The following FAT1 variants were observed in gnomAD, a reference collection of about 807,000 sequenced individuals.
The protein encoded by FAT1 is FAT atypical cadherin 1.
In FAT1, 171 loss-of-function variants were observed where a neutral mutation model predicts 329.8. That is an observed-to-expected ratio of 0.52 (90% CI 0.46 to 0.59). The LOEUF is 0.59. Among genes scored for constraint, FAT1 ranks in the 20% least tolerant of loss-of-function variants. The pLI is 0.00. For missense variants in FAT1, 5,672 were observed against 5,774.4 expected (o/e 0.98, Z 0.57); for synonymous variants, 2,233 against 2,228.6 (o/e 1.00, Z -0.06).
rs972211466 is a variant in FAT1, at chr4:186,621,494, C to T, written c.5092G>A (p.Val1698Met). The change falls in exon 10 of 27, where the codon GTG (valine) becomes ATG (methionine). Residue 1698 changes from valine to methionine, a missense_variant. By Grantham distance (21) the Val-to-Met change is conservative. This residue lies in a region of FAT1 where 3,966 missense variants were observed against 3,915.2 expected (regional missense o/e 1.01). Transcript: ENST00000441802. ...MVTAHSQSSV[V>M]YEIKDGNTGD... Reference sequence around the variant, plus strand: ...GTATTTCCATCTTTTATTTCATACACCACTGATGATTGACTATGGGCTGTA... The same window carrying T: ...GTATTTCCATCTTTTATTTCATACATCACTGATGATTGACTATGGGCTGTA... 2.5e-6 allele frequency: 4 copies of T among 1,613,886 alleles called. No individual in the cohort carries two copies. Among genetic ancestry groups the T allele is most frequent in the South Asian group, 2.2e-5 (2 of 91,088 alleles).
At chr4:186,690,680 ACT>A (rs1743714796) in intron 2 of FAT1, among the ~76,000 whole-genome samples, 2 of 151,720 alleles carry the variant, frequency 1.3e-5, no homozygotes, top group Admixed American at 6.6e-5. Context: ...ACAGAGTGAG[ACT>A]CTGCCTCAAA....
At chr4:186,603,112 A>G in intron 19 of FAT1, 64 bp downstream of exon 19, 1 of 1,608,154 alleles carries the variant, frequency 6.2e-7, no homozygotes. Flanking sequence ...TATAGCCATC[A>G]AAGGCTTCAA....
chr4:186,628,445 C>T, intron 8 of FAT1, 43 bp downstream of exon 8: 1 of 1,612,378 alleles, frequency 6.2e-7, no homozygotes, highest in African/African-American at 1.3e-5. Context: ...CACACAAAGG[C>T]CTCAGGACCA....
chr4:186,610,338 CTAATT>C, intron 14 of FAT1, among the ~76,000 whole-genome samples: 1 of 152,022 alleles, frequency 6.6e-6, no homozygotes, highest in East Asian at 1.9e-4. Flanking sequence ...CGACTTCACT[CTAATT>C]TAATCAACAA....
chr4:186,589,686 T>TA (rs1738145278), intron 26 of FAT1, among the ~76,000 whole-genome samples: 1 of 152,118 alleles, frequency 6.6e-6, no homozygotes, highest in Admixed American at 6.5e-5. Flanking sequence ...TAATGCAACT[T>TA]AAAAAAATTT....
At chr4:186,591,993 A>T (rs2126368451) in intron 26 of FAT1, among the ~76,000 whole-genome samples, 1 of 152,284 alleles carries the variant, frequency 6.6e-6, no homozygotes, top group East Asian at 1.9e-4. Flanking sequence ...TAAAGTCCCA[A>T]CCCAGACCTG....
At chr4:186,593,135 TC>T (rs560804667) in intron 26 of FAT1, among the ~76,000 whole-genome samples, 46 of 152,298 alleles carry the variant, frequency 3.0e-4, no homozygotes, top group African/African-American at 1.1e-3. Context: ...TCGCCACTCT[TC>T]CGGCTGCTTA....
intron 14 of FAT1, 47 bp from the exon 15 acceptor site, chr4:186,610,062 A>AT: frequency 8.5e-7 from 1 of 1,170,676 alleles, no homozygotes; most frequent in Non-Finnish European, 1.3e-6. Flanking sequence ...ATGCCACCAC[A>AT]TTTTCCCACT....
rs2126418658 is a variant in FAT1, at chr4:186,601,383, G to A, written c.11526C>T (p.Tyr3842=). ...MTLTGNSYVK[Y]RLTENENKLE... is the part of the protein sequence containing the mutation. ...ATTTGTTTTCATTTTCCGTCAGACG[G>A]TATTTCACGTAGCTGTTTCCAGTCA... The change falls in exon 21 of 27, where the codon TAC becomes TAT. Residue 3842 remains tyrosine (Y), a synonymous_variant. Transcript: ENST00000441802. The A allele has an allele frequency of 1.2e-6, 2 of 1,613,308 alleles. No individual in the cohort carries two copies. Among genetic ancestry groups the A allele is most frequent in the Non-Finnish European group, 1.7e-6 (2 of 1,179,376 alleles).
intron 16 of FAT1, 51 bp downstream of exon 16, chr4:186,609,132 G>C: frequency 6.3e-7 from 1 of 1,589,822 alleles, no homozygotes; most frequent in Non-Finnish European, 8.6e-7. Flanking sequence ...GGCATTTCTA[G>C]TTATTGATGT....
In FAT1 at chr4:186,620,601, G is replaced by C. The variant is rs754717977; in HGVS notation, c.5985C>G (p.Ala1995=). 1 of 1,613,798 alleles carries C rather than the reference G, an allele frequency of 6.2e-7. No individual in the cohort carries two copies. The highest frequency in any genetic ancestry group is 1.3e-5 in the African/African-American group (1 of 74,886). The change falls in exon 10 of 27, where the codon GCC becomes GCG. Residue 1995 remains alanine (A), a synonymous_variant. Coordinates refer to ENST00000441802, the MANE Select transcript of FAT1 (RefSeq NM_005245.4). ...TAGCAGTAATGACAGCTAATGTTTCGGCCTCGGTGGAATTCTCTTTCACTA... is the reference window on the plus strand; with the variant it reads ...TAGCAGTAATGACAGCTAATGTTTCCGCCTCGGTGGAATTCTCTTTCACTA... ...SAVVKENSTE[A]ETLAVITAIG...
At position 186,599,114 on chromosome 4, in the gene FAT1, C is replaced by A. The variant is rs200544064; in HGVS notation, c.12103+784G>T. On this transcript the variant is annotated intron_variant, in intron 22 of 26. Coordinates refer to ENST00000441802, the MANE Select transcript of FAT1 (RefSeq NM_005245.4). The stretch of plus-strand genomic sequence containing the variant: ...TCCCTAAGTGACAAAATGAGGACGG[C>A]CTCCTTGCTAACCTGGTTTGGACGT... Among the ~76,000 whole-genome samples, 25 of 152,266 alleles carry A rather than the reference C, an allele frequency of 1.6e-4. No homozygotes were observed. In the East Asian group the frequency reaches 4.5e-3, roughly 27 times the overall value.
chr4:186,619,033 T>G lies in FAT1; in HGVS notation c.7553A>C (p.Asp2518Ala). The G allele has an allele frequency of 6.2e-7, 1 of 1,614,016 alleles. No homozygotes were observed. The highest frequency in any genetic ancestry group is 8.5e-7 in the Non-Finnish European group (1 of 1,179,904). Residue 2518 changes from aspartate (D) to alanine (A), a missense_variant, in exon 10 of 27, where the codon GAT (aspartate) becomes GCT (alanine). Physicochemically the swap from Asp to Ala is moderately radical, Grantham distance 126. Coordinates refer to ENST00000441802, the MANE Select transcript of FAT1 (RefSeq NM_005245.4). ...GTGACCATAAATACCAGAATCCCCA[T>G]CCGTAGTTTTCACCTCCATCACCAG... Reference protein sequence around the residue: ...HTLVMEVKTTDGDSGIYGHVT... With the variant: ...HTLVMEVKTTAGDSGIYGHVT...
At chr4:186,720,671 CTCTCCCTTA>C (rs1745433648) in intron 1 of FAT1, among the ~76,000 whole-genome samples, 1 of 152,160 alleles carries the variant, frequency 6.6e-6, no homozygotes, top group African/African-American at 2.4e-5. Flanking sequence ...TGTACTTGTC[CTCTCCCTTA>C]TCAGACTACG....
chr4:186,702,110 C>T (rs1167240108), intron 2 of FAT1, among the ~76,000 whole-genome samples: 4 of 152,022 alleles, frequency 2.6e-5, no homozygotes, highest in Non-Finnish European at 5.9e-5. Context: ...AGGCCAGGAG[C>T]CGGCCTCCAC....
Position 186,618,116 on chromosome 4 carries a change from CT to C in FAT1, c.8469del (p.Gly2825GlufsTer4). 1 of 1,614,048 alleles carries C rather than the reference CT, an allele frequency of 6.2e-7. No individual in the cohort carries two copies. Among genetic ancestry groups the C allele is most frequent in the Non-Finnish European group, 8.5e-7 (1 of 1,179,908 alleles). ...PYEAFIVENLPGGSRVIQIRA... is the reference protein window; with the variant it reads ...PYEAFIVENLXGGSRVIQIRA... ...CTGATCTGAATTACTCTACTTCCCC[CT>C]GGCAGGTTTTCAACAATGAATGCCT... On this transcript the variant is annotated frameshift_variant, in exon 10 of 27. Transcript: ENST00000441802. LOFTEE classifies it high-confidence loss of function.
chr4:186,645,898 G>T (rs1741348850), intron 3 of FAT1, among the ~76,000 whole-genome samples: 1 of 148,726 alleles, frequency 6.7e-6, no homozygotes, highest in South Asian at 2.1e-4. Flanking sequence ...GTGAGCTGAG[G>T]GCGGACCACT....
intron 3 of FAT1, among the ~76,000 whole-genome samples, chr4:186,645,661 T>TGTTTGAAATTTCAACCCACGC (rs1741338793): frequency 6.6e-6 from 1 of 151,314 alleles, no homozygotes; most frequent in African/African-American, 2.4e-5. Context: ...AATTTCAACA[T>TGTTTGAAATTTCAACCCACGC]CAGCACAGTG....
At position 186,599,894 on chromosome 4, in the gene FAT1, C is replaced by T. The variant is rs748546748; in HGVS notation, c.12103+4G>A. The T allele has an allele frequency of 1.3e-5, 21 of 1,604,392 alleles. No individual in the cohort carries two copies. In the Middle Eastern group the frequency reaches 5.7e-4, roughly 44 times the overall value. On this transcript the variant is annotated splice_donor_region_variant and intron_variant, in intron 22 of 26. Coordinates refer to ENST00000441802, the MANE Select transcript of FAT1 (RefSeq NM_005245.4). ...TTTAAAGATGGCAACATTACGGAGC[C>T]CACCTCCAGCAGGTGACGGATTGCA...
Sources: gnomAD v4.1 joint callset for allele counts (sites outside exome capture counted in the v4.1 genomes callset) on GRCh38, gnomAD v4.1.1 for gene constraint, gnomAD v4.1.1 regional missense constraint, MANE v1.5 for transcripts, NCBI Gene and HGNC (gene_info 2026-07-23, HGNC 2026-07-21) for gene names.